Variants in CHRM3 observed in about 807,000 individuals in gnomAD.
The protein encoded by CHRM3 is muscarinic acetylcholine receptor M3.
In CHRM3, 11 loss-of-function variants were observed where a neutral mutation model predicts 41.8. The observed-to-expected ratio is 0.26, with a 90% CI of 0.17 to 0.44. The LOEUF is 0.44. CHRM3 is among the 20% of genes least tolerant of loss of function. CHRM3 has a pLI of 1.00. For synonymous variants in CHRM3, 297 were observed against 301.4 expected (o/e 0.99, Z 0.15); for missense variants, 571 against 745.4 (o/e 0.77, Z 2.72).
intron 4 of CHRM3, among the ~76,000 whole-genome samples, chr1:239,637,658 G>T (rs1670622562): frequency 6.8e-6 from 1 of 147,672 alleles, no homozygotes; most frequent in South Asian, 2.1e-4. Context: ...CCGTGGGGTT[G>T]CCAAATCCCA....
intron 5 of CHRM3, among the ~76,000 whole-genome samples, chr1:239,729,144 C>T (rs527588589): frequency 6.6e-6 from 1 of 152,002 alleles, no homozygotes; most frequent in Admixed American, 6.6e-5. Context: ...ACTGTATTAG[C>T]CATTATGTTA....
intron 1 of CHRM3, among the ~76,000 whole-genome samples, chr1:239,490,019 C>T (rs543902289): frequency 1.3e-5 from 2 of 152,262 alleles, no homozygotes; most frequent in South Asian, 4.1e-4. Context: ...GGAACTTCAG[C>T]AAGTTATCTA....
chr1:239,831,367 C>A lies in CHRM3; in HGVS notation c.-20+3989C>A, dbSNP rs139708289. Among the ~76,000 whole-genome samples, 485 of 152,268 alleles carry A rather than the reference C, an allele frequency of 3.2e-3. 3 individuals carry two copies. Among genetic ancestry groups the A allele is most frequent in the African/African-American group, 0.011 (462 of 41,562 alleles). On this transcript the variant is annotated intron_variant, in intron 6 of 6. Transcript: ENST00000676153. ...AACAGGAGAGCAGCCAACTGGTAGG[C>A]CTTCCTCAAAGCCCTCTCTGCCAAG...
intron 2 of CHRM3, among the ~76,000 whole-genome samples, chr1:239,501,952 C>T (rs1175721885): frequency 6.6e-6 from 1 of 152,116 alleles, no homozygotes; most frequent in African/African-American, 2.4e-5. Context: ...GTTCACAGCC[C>T]TCAATGCTTA....
intron 1 of CHRM3, among the ~76,000 whole-genome samples, chr1:239,484,864 G>A (rs1667088771): frequency 6.6e-6 from 1 of 152,052 alleles, no homozygotes; most frequent in Non-Finnish European, 1.5e-5. Flanking sequence ...GAAGCAAGGG[G>A]AAAGTTGAAA....
chr1:239,722,909 G>A (rs1483135055), intron 5 of CHRM3, among the ~76,000 whole-genome samples: 1 of 151,752 alleles, frequency 6.6e-6, no homozygotes. Flanking sequence ...AAAATCAAAA[G>A]AGAAATAAAA....
chr1:239,852,247 A>C (rs952524173), intron 6 of CHRM3, among the ~76,000 whole-genome samples: 1 of 152,200 alleles, frequency 6.6e-6, no homozygotes, highest in Non-Finnish European at 1.5e-5. Context: ...TGTTTGTTTC[A>C]TAAGGTAGAA....
chr1:239,687,567 A>G (rs894888900), intron 5 of CHRM3, among the ~76,000 whole-genome samples: 7 of 152,172 alleles, frequency 4.6e-5, no homozygotes, highest in Non-Finnish European at 2.9e-5. Context: ...ATGAGGTCAT[A>G]AAAACATGCC....
intron 5 of CHRM3, among the ~76,000 whole-genome samples, chr1:239,724,872 G>C (rs1316937260): frequency 6.6e-6 from 1 of 151,716 alleles, no homozygotes; most frequent in Non-Finnish European, 1.5e-5. Context: ...ATATGGTCTT[G>C]AACTTCCCAG....
At chr1:239,805,157 C>A (rs1284404643) in intron 5 of CHRM3, among the ~76,000 whole-genome samples, 1 of 152,176 alleles carries the variant, frequency 6.6e-6, no homozygotes, top group Non-Finnish European at 1.5e-5. Context: ...CTCATTTAAT[C>A]CCTGCAAATG....
intron 3 of CHRM3, among the ~76,000 whole-genome samples, chr1:239,627,822 A>T (rs1295234173): frequency 1.3e-5 from 2 of 150,612 alleles, no homozygotes; most frequent in East Asian, 3.9e-4. Context: ...AGAACGTTGA[A>T]TATTGGCCCC....
intron 5 of CHRM3, among the ~76,000 whole-genome samples, chr1:239,803,240 C>G (rs1241910040): frequency 2.6e-5 from 4 of 152,104 alleles, no homozygotes; most frequent in Non-Finnish European, 4.4e-5. Flanking sequence ...TTGTGCCAGG[C>G]TATTTTGATA....
intron 5 of CHRM3, among the ~76,000 whole-genome samples, chr1:239,797,532 T>C (rs1669886584): frequency 6.6e-6 from 1 of 152,140 alleles, no homozygotes; most frequent in Non-Finnish European, 1.5e-5. Context: ...CTTTATGTGT[T>C]TGATGACTGT....
At position 239,716,593 on chromosome 1, in the gene CHRM3, T is replaced by G. The variant is rs536131316; in HGVS notation, c.-147+38305T>G. On this transcript the variant is annotated intron_variant, in intron 5 of 6. Coordinates refer to ENST00000676153, the MANE Select transcript of CHRM3 (RefSeq NM_001375978.1). ...AGAAATGATGTTTACAGCTAAACAG[T>G]GTGACTCTCAAAAGAGCCTTTTTTT... Among the ~76,000 whole-genome samples, 38 of 152,176 alleles carry G rather than the reference T, an allele frequency of 2.5e-4. 1 individual carries two copies. The highest frequency in any genetic ancestry group is 2.2e-3 in the Admixed American group (33 of 15,270).
chr1:239,897,742 C>T (rs1679128566), intron 6 of CHRM3, among the ~76,000 whole-genome samples: 1 of 152,164 alleles, frequency 6.6e-6, no homozygotes, highest in Non-Finnish European at 1.5e-5. Flanking sequence ...CTTTTCACTT[C>T]GTGCCATTTC....
chr1:239,746,572 A>G (rs899768582), intron 5 of CHRM3, among the ~76,000 whole-genome samples: 1 of 152,184 alleles, frequency 6.6e-6, no homozygotes, highest in Non-Finnish European at 1.5e-5. Flanking sequence ...TTAAAATACT[A>G]TTATAAAGAT....
chr1:239,865,966 C>A (rs1370610126), intron 6 of CHRM3, among the ~76,000 whole-genome samples: 1 of 152,086 alleles, frequency 6.6e-6, no homozygotes, highest in African/African-American at 2.4e-5. Context: ...CCACAAGGGT[C>A]TATTTTCAGG....
intron 4 of CHRM3, among the ~76,000 whole-genome samples, chr1:239,633,164 G>A (rs1429503410): frequency 6.6e-6 from 1 of 152,078 alleles, no homozygotes; most frequent in Admixed American, 6.5e-5. Flanking sequence ...GTAGAGATGG[G>A]GTTTCACCGT....
chr1:239,841,788 G>T (rs1170533893), intron 6 of CHRM3, among the ~76,000 whole-genome samples: 1 of 152,158 alleles, frequency 6.6e-6, no homozygotes, highest in Non-Finnish European at 1.5e-5. Flanking sequence ...GGCTCCAAAT[G>T]ATAGTTTCAA....
Sources: allele counts gnomAD v4.1 joint callset (sites outside exome capture counted in the v4.1 genomes callset), GRCh38; gene constraint gnomAD v4.1.1; transcripts MANE v1.5; gene names NCBI Gene and HGNC (gene_info 2026-07-23, HGNC 2026-07-21).